The following ATRX variants were observed in gnomAD, a reference collection of about 807,000 sequenced individuals.
The protein encoded by ATRX is chromatin remodeler ATRX.
In ATRX, 12 loss-of-function variants were observed where a neutral mutation model predicts 172.6. The observed-to-expected ratio is 0.07, with a 90% CI of 0.04 to 0.11. ATRX has a LOEUF of 0.11. Ranked by LOEUF, ATRX falls within the 10% of genes least tolerant of loss-of-function variation. The pLI is 1.00. For missense variants in ATRX, 1,368 were observed against 1,767.4 expected, an observed-to-expected ratio of 0.77 and a Z score of 4.05; for synonymous variants, 674 against 594.7, an observed-to-expected ratio of 1.13 and a Z score of -1.94.
chrX:77,541,749 C>G (rs782669236), intron 30 of ATRX, among the ~76,000 whole-genome samples: 1 of 111,804 alleles, frequency 8.9e-6, no homozygotes, highest in Non-Finnish European at 1.9e-5. Flanking sequence ...CAGAAAAGAC[C>G]TTCGACAAAA....
intron 12 of ATRX, among the ~76,000 whole-genome samples, chrX:77,658,736 T>G (rs1270634055): frequency 1.8e-5 from 2 of 111,517 alleles, no homozygotes; most frequent in African/African-American, 6.5e-5. Context: ...AGGATCAGAT[T>G]TGGCCCACAG....
Position 77,766,257 on chromosome X carries a change from C to T in ATRX, c.20+19725G>A, listed in dbSNP as rs1322658621. Reference sequence around the variant, plus strand: ...GGCAGAGGGGCTCCTCACTTCCCAGCAGGGGCGGCCGGGCAGAGGCGCCCC... The same window carrying T: ...GGCAGAGGGGCTCCTCACTTCCCAGTAGGGGCGGCCGGGCAGAGGCGCCCC... On this transcript the variant is annotated intron_variant, in intron 1 of 34. Coordinates refer to ENST00000373344, the MANE Select transcript of ATRX (RefSeq NM_000489.6). 1.4e-4 allele frequency among the ~76,000 whole-genome samples: 14 copies of T among 96,864 alleles called. No individual in the cohort carries two copies. In the South Asian group the frequency reaches 2.4e-3, roughly 17 times the overall value. 84.1% of individuals were successfully genotyped at this position (96,864 alleles called of 115,157 possible). A position where few individuals can be genotyped will look rare whatever the true frequency, so the allele number is the denominator to read the frequency against.
At chrX:77,596,249 G>C (rs1241447456) in intron 25 of ATRX, 1 of 111,199 alleles carries the variant, frequency 9.0e-6, no homozygotes, top group African/African-American at 3.3e-5. Context: ...ACTTCCTTCA[G>C]ATTATGAGAC....
At chrX:77,553,371 C>T (rs1170063260) in intron 30 of ATRX, among the ~76,000 whole-genome samples, 1 of 111,698 alleles carries the variant, frequency 9.0e-6, no homozygotes, top group African/African-American at 3.3e-5. Context: ...ATCTTAATAT[C>T]CATTTTCTTT....
intron 1 of ATRX, among the ~76,000 whole-genome samples, chrX:77,759,592 T>TAATCGCAGCTGC (rs1389039401): frequency 4.5e-5 from 5 of 110,325 alleles, no homozygotes; most frequent in African/African-American, 1.6e-4. Flanking sequence ...TGCACAGCTG[T>TAATCGCAGCTGC]AATCGCAGCT....
chrX:77,662,759 C>G (rs2069988310), intron 12 of ATRX, among the ~76,000 whole-genome samples: 1 of 111,331 alleles, frequency 9.0e-6, no homozygotes, highest in Non-Finnish European at 1.9e-5. Flanking sequence ...ATGGCGCAAT[C>G]TCAGCTCACT....
intron 4 of ATRX, 77 bp from the exon 5 acceptor site, chrX:77,696,781 G>A (rs2148678317): frequency 9.5e-7 from 1 of 1,050,079 alleles, no homozygotes; most frequent in South Asian, 2.0e-5. Flanking sequence ...TAAATAACAT[G>A]TTGAGATTGA....
intron 22 of ATRX, among the ~76,000 whole-genome samples, chrX:77,601,899 CT>C (rs782110076): frequency 6.2e-5 from 7 of 112,093 alleles, no homozygotes; most frequent in Non-Finnish European, 1.3e-4. Flanking sequence ...TATATAATTT[CT>C]CGGCATACAG....
Position 77,585,146 on chromosome X carries a change from A to C in ATRX, c.6217+4688T>G, listed in dbSNP as rs187402625. Among the ~76,000 whole-genome samples, 157 of 111,397 alleles carry C rather than the reference A, an allele frequency of 1.4e-3. 1 individual carries two copies. Among genetic ancestry groups the C allele is most frequent in the African/African-American group, 4.8e-3 (148 of 30,700 alleles). The stretch of plus-strand genomic sequence containing the variant: ...ACTTGGCTTTTATCCAAAGTCAGGG[A>C]GTAACAAATACTAGAGAGGATTTGG... On this transcript the variant is annotated intron_variant, in intron 27 of 34. Transcript: ENST00000373344.
At chrX:77,738,274 ACAGTGAGT>A (rs1233910970) in intron 1 of ATRX, among the ~76,000 whole-genome samples, 1 of 106,967 alleles carries the variant, frequency 9.3e-6, no homozygotes, top group African/African-American at 3.4e-5. Flanking sequence ...AGTCAAGGCT[ACAGTGAGT>A]CAGGATCAAG....
chrX:77,727,275 T>A (rs2074089690), intron 1 of ATRX, among the ~76,000 whole-genome samples: 1 of 111,913 alleles, frequency 8.9e-6, no homozygotes, highest in South Asian at 3.7e-4. Flanking sequence ...AGTGTGACGA[T>A]TCCACAATGA....
chrX:77,536,724 GA>G (rs1895597933), intron 30 of ATRX, among the ~76,000 whole-genome samples: 1 of 112,101 alleles, frequency 8.9e-6, no homozygotes, highest in Admixed American at 9.5e-5. Flanking sequence ...CAGGTTGCCT[GA>G]AATGTAAACA....
At chrX:77,758,684 G>A (rs1346489662) in intron 1 of ATRX, among the ~76,000 whole-genome samples, 2 of 110,626 alleles carry the variant, frequency 1.8e-5, no homozygotes, top group Non-Finnish European at 3.8e-5. Context: ...CTTGAACCCA[G>A]GAGGCGGAGG....
chrX:77,643,523 C>T (rs1449135057), intron 15 of ATRX, among the ~76,000 whole-genome samples: 2 of 111,221 alleles, frequency 1.8e-5, no homozygotes, highest in Admixed American at 9.6e-5. Flanking sequence ...CCACCTCAAC[C>T]GATCTAGCCA....
In ATRX at chrX:77,782,350, A is replaced by C. The variant is rs192489642; in HGVS notation, c.20+3632T>G. Among the ~76,000 whole-genome samples the C allele has an allele frequency of 8.2e-4, 92 of 112,622 alleles. No homozygotes were observed. In the East Asian group the frequency reaches 0.015, roughly 18 times the overall value. ...CAACTTCTGCCTTTTTATATTTAAGATCAATAACAAGGTAATATAGCTGTC... is the reference window on the plus strand; with the variant it reads ...CAACTTCTGCCTTTTTATATTTAAGCTCAATAACAAGGTAATATAGCTGTC... On this transcript the variant is annotated intron_variant, in intron 1 of 34. Transcript: ENST00000373344.
At chrX:77,606,962 A>T (rs1557090979) in intron 22 of ATRX, among the ~76,000 whole-genome samples, 1 of 111,523 alleles carries the variant, frequency 9.0e-6, no homozygotes, top group African/African-American at 3.3e-5. Context: ...GCCCTAAAAA[A>T]CTGGGTATCA....
chrX:77,688,587 T>G (rs1034484872), intron 7 of ATRX, among the ~76,000 whole-genome samples: 2 of 111,554 alleles, frequency 1.8e-5, no homozygotes, highest in Non-Finnish European at 3.8e-5. Flanking sequence ...AGCTTTCCAC[T>G]AGAAAGCCAT....
At chrX:77,536,248 A>G (rs915917154) in intron 30 of ATRX, among the ~76,000 whole-genome samples, 2 of 111,847 alleles carry the variant, frequency 1.8e-5, no homozygotes, top group Admixed American at 9.5e-5. Context: ...AAACATTAAT[A>G]AAAGATAAGA....
At chrX:77,652,067 A>C (rs1557117156) in intron 15 of ATRX, 47 bp downstream of exon 15, 1 of 1,183,668 alleles carries the variant, frequency 8.4e-7, no homozygotes, top group Non-Finnish European at 1.1e-6. Context: ...CAACAGAGCA[A>C]GACCCTGTAG....
Sources: allele counts gnomAD v4.1 joint callset (sites outside exome capture counted in the v4.1 genomes callset), GRCh38; gene constraint gnomAD v4.1.1; transcripts MANE v1.5; gene names NCBI Gene and HGNC (gene_info 2026-07-23, HGNC 2026-07-21).